COL14A1: variants seen among roughly 807,000 people sequenced by gnomAD.
COL14A1 encodes the protein collagen alpha-1(XIV) chain.
Under a neutral mutation model 230.3 loss-of-function variants are expected in COL14A1, and 136 were observed. That is an observed-to-expected ratio of 0.59 (90% CI 0.51 to 0.68). COL14A1 has a LOEUF of 0.68. COL14A1 is among the 30% of genes least tolerant of loss of function. The probability of loss-of-function intolerance (pLI) is 0.00; values close to 1 mark genes in which losing one functional copy is unlikely to be tolerated. For synonymous variants in COL14A1, 792 were observed against 784.1 expected (o/e 1.01, Z -0.17); for missense variants, 1,976 against 2,215.8 (o/e 0.89, Z 2.17).
intron 42 of COL14A1, among the ~76,000 whole-genome samples, chr8:120,336,780 A>G (rs1194520871): frequency 6.6e-6 from 1 of 152,038 alleles, no homozygotes; most frequent in Non-Finnish European, 1.5e-5. Flanking sequence ...ATGCCATACC[A>G]TTTCACATGT....
chr8:120,368,224 C>T (rs1191905580), intron 46 of COL14A1, among the ~76,000 whole-genome samples: 8 of 151,960 alleles, frequency 5.3e-5, no homozygotes, highest in African/African-American at 1.9e-4. Flanking sequence ...TTATAATTTG[C>T]AATCTTATTA....
chr8:120,312,581 A>G (rs754346401), intron 37 of COL14A1, among the ~76,000 whole-genome samples: 11 of 151,864 alleles, frequency 7.2e-5, no homozygotes, highest in Non-Finnish European at 1.0e-4. Flanking sequence ...CCTGATTATC[A>G]TCTCATTTTT....
intron 40 of COL14A1, among the ~76,000 whole-genome samples, chr8:120,320,478 G>A (rs2130141366): frequency 6.6e-6 from 1 of 152,262 alleles, no homozygotes; most frequent in East Asian, 1.9e-4. Context: ...TATTTGTGAT[G>A]AATATCCCAT....
intron 36 of COL14A1, among the ~76,000 whole-genome samples, chr8:120,306,692 C>A (rs1820868095): frequency 6.6e-6 from 1 of 151,956 alleles, no homozygotes; most frequent in Non-Finnish European, 1.5e-5. Flanking sequence ...TGTGATATGC[C>A]CAGTGACAAG....
At chr8:120,166,915 T>TGTGTGTGTGC (rs1554600799) in intron 4 of COL14A1, among the ~76,000 whole-genome samples, 2 of 146,962 alleles carry the variant, frequency 1.4e-5, no homozygotes, top group African/African-American at 5.1e-5. Context: ...TGTGTGTGTG[T>TGTGTGTGTGC]GTGTGTGGTG....
intron 5 of COL14A1, among the ~76,000 whole-genome samples, chr8:120,181,664 A>G (rs537281307): frequency 6.6e-6 from 1 of 152,360 alleles, no homozygotes; most frequent in African/African-American, 2.4e-5. Context: ...AATGGTTGAG[A>G]AACATTGATC....
intron 26 of COL14A1, chr8:120,277,829 C>T (rs1368114877): frequency 5.5e-6 from 1 of 180,380 alleles, no homozygotes; most frequent in Non-Finnish European, 1.2e-5. Flanking sequence ...ACCTGGGGGA[C>T]AGAATCATTT....
At chr8:120,184,670 A>C (rs752737069) in intron 5 of COL14A1, among the ~76,000 whole-genome samples, 1 of 152,186 alleles carries the variant, frequency 6.6e-6, no homozygotes, top group African/African-American at 2.4e-5. Context: ...GTTCAAATCC[A>C]ATGGCCTGAG....
In COL14A1 at chr8:120,128,595, C is replaced by T. The variant is rs531538987; in HGVS notation, c.-38+3255C>T. Among the ~76,000 whole-genome samples the T allele has an allele frequency of 3.9e-5, 6 of 152,120 alleles. No homozygotes were observed. The East Asian group carries it at 5.8e-4, about 15-fold the overall frequency. On this transcript the variant is annotated intron_variant, in intron 1 of 47. Coordinates refer to ENST00000297848, the MANE Select transcript of COL14A1 (RefSeq NM_021110.4). The stretch of plus-strand genomic sequence containing the variant: ...ACTAAAAATATAAAGATTAGCTGGG[C>T]GTGGTGGTGGGCACCTGTAATCCTA...
intron 45 of COL14A1, among the ~76,000 whole-genome samples, chr8:120,348,525 CA>C (rs1822618638): frequency 6.6e-6 from 1 of 151,890 alleles, no homozygotes; most frequent in South Asian, 2.1e-4. Context: ...TTTGGGGACT[CA>C]GGGGGAAAGG....
rs750419588 is a variant in COL14A1, at chr8:120,128,204, C to CGT, written c.-38+2880_-38+2881dup. 2.4e-3 allele frequency among the ~76,000 whole-genome samples: 333 copies of CGT among 140,838 alleles called. 1 individual carries two copies. Among genetic ancestry groups the CGT allele is most frequent in the South Asian group, 6.2e-3 (26 of 4,218 alleles). The allele number at this position is 140,838 out of a possible 152,430, so 92.4% of individuals were successfully genotyped here. A position where few individuals can be genotyped will look rare whatever the true frequency, so the allele number is the denominator to read the frequency against. On this transcript the variant is annotated intron_variant, in intron 1 of 47. Coordinates refer to ENST00000297848, the MANE Select transcript of COL14A1 (RefSeq NM_021110.4). Reference sequence around the variant, plus strand: ...ACCAAACTGCATCCTGTTCCTGTGACGTGTGTGTGTGTGTGTGCGCGCGCG... The same window carrying CGT: ...ACCAAACTGCATCCTGTTCCTGTGACGTGTGTGTGTGTGTGTGTGCGCGCGCG...
In COL14A1 at chr8:120,231,454, G is replaced by A; in HGVS notation, c.2198-13G>A. 2 of 1,612,182 alleles carry A rather than the reference G, an allele frequency of 1.2e-6. No homozygotes were observed. Among genetic ancestry groups the A allele is most frequent in the Non-Finnish European group, 1.7e-6 (2 of 1,179,328 alleles). On this transcript the variant is annotated splice_polypyrimidine_tract_variant and intron_variant, in intron 18 of 47. Transcript: ENST00000297848. The stretch of plus-strand genomic sequence containing the variant: ...GTTAAAAGTTTTTTAATCCTTGGTT[G>A]TGTTTATTCCAGTTTTCCAGACGGG...
chr8:120,320,965 C>T lies in COL14A1; in HGVS notation c.4659+4968C>T, dbSNP rs138238746. Among the ~76,000 whole-genome samples the T allele has an allele frequency of 4.4e-4, 67 of 152,272 alleles. No homozygotes were observed. The East Asian group carries it at 5.2e-3, about 12-fold the overall frequency. On this transcript the variant is annotated intron_variant, in intron 40 of 47. Transcript: ENST00000297848. ...GGCAAAGAATCTAAAGCTCAGAAAA[C>T]GGAAGAAACAATGCCACACAGCTAG...
chr8:120,262,828 C>A (rs771596747), intron 23 of COL14A1, 40 bp from the exon 24 acceptor site: 1 of 1,576,198 alleles, frequency 6.3e-7, no homozygotes, highest in Non-Finnish European at 8.6e-7. Flanking sequence ...TCAAAAATTT[C>A]ATATGTGTGT....
At chr8:120,260,892 A>G (rs998043880) in intron 23 of COL14A1, among the ~76,000 whole-genome samples, 3 of 152,178 alleles carry the variant, frequency 2.0e-5, no homozygotes, top group African/African-American at 7.2e-5. Flanking sequence ...TTTCATTTAC[A>G]TTTGCTTAGA....
Position 120,371,174 on chromosome 8 carries a change from G to A in COL14A1, c.5334G>A (p.Glu1778=). 1 of 1,611,144 alleles carries A rather than the reference G, an allele frequency of 6.2e-7. No individual in the cohort carries two copies. ...GVRAPHPDQP[E]FTPVQDELEA... The stretch of plus-strand genomic sequence containing the variant: ...TAGCTCCCCATCCAGATCAGCCAGA[G>A]TTCACCCCTGTCCAAGATGAGCTGG... Residue 1778 remains glutamate (E), a synonymous_variant, in exon 48 of 48, where the codon GAG becomes GAA. Transcript: ENST00000297848.
intron 45 of COL14A1, among the ~76,000 whole-genome samples, chr8:120,346,192 GT>G: frequency 6.6e-6 from 1 of 150,582 alleles, no homozygotes; most frequent in African/African-American, 2.5e-5. Flanking sequence ...TCCCACTAAA[GT>G]TTCCTTAAAA....
chr8:120,266,908 CT>C, intron 25 of COL14A1, 25 bp downstream of exon 25: 4 of 1,573,000 alleles, frequency 2.5e-6, no homozygotes, highest in Non-Finnish European at 3.5e-6. Context: ...GAATAATTAT[CT>C]GATTCTAGGT....
intron 5 of COL14A1, among the ~76,000 whole-genome samples, chr8:120,180,701 C>CTG (rs1326165091): frequency 8.4e-5 from 7 of 83,538 alleles, no homozygotes; most frequent in Admixed American, 3.4e-4. Context: ...GGTAGGAAGC[C>CTG]TTTTTTTTTT....
Sources: gnomAD v4.1 joint callset for allele counts (sites outside exome capture counted in the v4.1 genomes callset) on GRCh38, gnomAD v4.1.1 for gene constraint, MANE v1.5 for transcripts, NCBI Gene and HGNC (gene_info 2026-07-23, HGNC 2026-07-21) for gene names.